CDKAL1: variants seen among roughly 807,000 people sequenced by gnomAD.
CDKAL1 encodes CDKAL1 threonylcarbamoyladenosine tRNA methylthiotransferase.
A neutral mutation model predicts 68.2 loss-of-function variants in CDKAL1; 32 were observed. That is an observed-to-expected ratio of 0.47 (90% CI 0.35 to 0.63). The LOEUF is 0.63. CDKAL1 is among the 30% of genes least tolerant of loss of function. The pLI is 0.00. For missense variants in CDKAL1, 606 were observed against 696.7 expected (o/e 0.87, Z 1.47); for synonymous variants, 234 against 244.3 (o/e 0.96, Z 0.39).
chr6:20,637,920 G>A (rs550506522), intron 4 of CDKAL1, among the ~76,000 whole-genome samples: 1 of 152,094 alleles, frequency 6.6e-6, no homozygotes, highest in Non-Finnish European at 1.5e-5. Flanking sequence ...ATATGACCTG[G>A]AGATCTTTCT....
At chr6:20,823,677 G>A (rs956300172) in intron 8 of CDKAL1, among the ~76,000 whole-genome samples, 13 of 152,220 alleles carry the variant, frequency 8.5e-5, no homozygotes, top group East Asian at 3.9e-4. Flanking sequence ...TATCAGAATC[G>A]TCTATTTCAG....
At chr6:20,917,061 A>C (rs1462787766) in intron 9 of CDKAL1, among the ~76,000 whole-genome samples, 2 of 152,122 alleles carry the variant, frequency 1.3e-5, no homozygotes, top group Non-Finnish European at 2.9e-5. Flanking sequence ...GCTCACTGCA[A>C]CCTTCACCTC....
chr6:20,640,574 G>GAAATTTTGAA (rs1288949399), intron 4 of CDKAL1, among the ~76,000 whole-genome samples: 1 of 152,198 alleles, frequency 6.6e-6, no homozygotes, highest in Admixed American at 6.5e-5. Flanking sequence ...CAAGATCTTA[G>GAAATTTTGAA]AAATTTTGAA....
chr6:21,050,694 T>C (rs2150910457), intron 11 of CDKAL1, among the ~76,000 whole-genome samples: 1 of 152,228 alleles, frequency 6.6e-6, no homozygotes, highest in Admixed American at 6.5e-5. Flanking sequence ...GGTAGGTATA[T>C]GTAGAATAGA....
chr6:20,821,433 TA>T, intron 8 of CDKAL1, among the ~76,000 whole-genome samples: 1 of 152,142 alleles, frequency 6.6e-6, no homozygotes. Flanking sequence ...TATTTAACTT[TA>T]CCACTCCCTT....
At chr6:20,921,016 A>T (rs184534302) in intron 9 of CDKAL1, among the ~76,000 whole-genome samples, 1,711 of 152,110 alleles carry the variant, frequency 0.011, 13 homozygotes, top group Non-Finnish European at 0.015. Context: ...TATATTAGAT[A>T]AAAAAAGCTT....
chr6:21,203,167 A>G (rs1035740048), intron 15 of CDKAL1, among the ~76,000 whole-genome samples: 1 of 146,382 alleles, frequency 6.8e-6, no homozygotes, highest in East Asian at 2.0e-4. Flanking sequence ...GTCCCACATC[A>G]GCTTCCTGAG....
chr6:21,001,356 C>A (rs2150820087), intron 11 of CDKAL1, among the ~76,000 whole-genome samples: 1 of 152,174 alleles, frequency 6.6e-6, no homozygotes, highest in East Asian at 1.9e-4. Flanking sequence ...AGTCATTTAT[C>A]CTAACTGCAT....
intron 4 of CDKAL1, among the ~76,000 whole-genome samples, chr6:20,591,499 A>G (rs887975236): frequency 2.0e-5 from 3 of 152,134 alleles, no homozygotes; most frequent in Non-Finnish European, 2.9e-5. Context: ...CTTACGTTTA[A>G]GTCTTTAATC....
At chr6:20,942,658 C>T (rs1435934195) in intron 9 of CDKAL1, among the ~76,000 whole-genome samples, 4 of 148,292 alleles carry the variant, frequency 2.7e-5, no homozygotes, top group Non-Finnish European at 4.5e-5. Context: ...TGAGCCACCA[C>T]GCCCAGCTGA....
intron 4 of CDKAL1, among the ~76,000 whole-genome samples, chr6:20,590,048 A>G (rs902940757): frequency 6.6e-6 from 1 of 152,204 alleles, no homozygotes; most frequent in African/African-American, 2.4e-5. Flanking sequence ...TAGTAAATGA[A>G]TTTAAATGAA....
At position 20,632,535 on chromosome 6, in the gene CDKAL1, T is replaced by G. The variant is rs17224527; in HGVS notation, c.287-16758T>G. 5.3e-5 allele frequency among the ~76,000 whole-genome samples: 8 copies of G among 152,166 alleles called. No homozygotes were observed. In the East Asian group the frequency reaches 1.6e-3, roughly 29 times the overall value. ...AGATCCCTTCCAAGAAATACCAGACTCTCTGTCAGAGCTTAACCCCAGCTT... is the reference window on the plus strand; with the variant it reads ...AGATCCCTTCCAAGAAATACCAGACGCTCTGTCAGAGCTTAACCCCAGCTT... On this transcript the variant is annotated intron_variant, in intron 4 of 15. Coordinates refer to ENST00000274695, the MANE Select transcript of CDKAL1 (RefSeq NM_017774.3).
chr6:20,582,608 C>A (rs1272879810), intron 4 of CDKAL1, among the ~76,000 whole-genome samples: 2 of 152,090 alleles, frequency 1.3e-5, no homozygotes, highest in East Asian at 1.9e-4. Context: ...TATTTTGAAT[C>A]TATTTACGTT....
At position 20,748,554 on chromosome 6, in the gene CDKAL1, G is replaced by GAAAAAAAAAAAAAAAAAA. The variant is rs1773762406; in HGVS notation, c.468+8939_468+8940insAAAAAAAAAAAAAAAAAA. On this transcript the variant is annotated intron_variant, in intron 6 of 15. Transcript: ENST00000274695. Reference sequence around the variant, plus strand: ...GGAAAGAGAGCAAGACTCTGTTTCTGGAAAAAAAAAAAAAAAAAAAAAAAA... The same window carrying GAAAAAAAAAAAAAAAAAA: ...GGAAAGAGAGCAAGACTCTGTTTCTGAAAAAAAAAAAAAAAAAAGAAAAAAAAAAAAAAAAAAAAAAAA... Among the ~76,000 whole-genome samples the GAAAAAAAAAAAAAAAAAA allele has an allele frequency of 1.7e-4, 13 of 77,106 alleles. 5 individuals carry two copies. The highest frequency in any genetic ancestry group is 3.8e-4 in the African/African-American group (8 of 20,998). 50.6% of individuals were successfully genotyped at this position (77,106 alleles called of 152,430 possible). A position where few individuals can be genotyped will look rare whatever the true frequency, so the allele number is the denominator to read the frequency against.
intron 10 of CDKAL1, among the ~76,000 whole-genome samples, chr6:20,990,479 C>T (rs1367496496): frequency 6.6e-6 from 1 of 152,168 alleles, no homozygotes. Flanking sequence ...TTTGTCTCAA[C>T]CTGTTTTAGC....
intron 8 of CDKAL1, among the ~76,000 whole-genome samples, chr6:20,804,453 A>T (rs1776484903): frequency 6.6e-6 from 1 of 152,350 alleles, no homozygotes; most frequent in South Asian, 2.1e-4. Flanking sequence ...ACAGCTTGTG[A>T]TCTAAAAATA....
intron 13 of CDKAL1, among the ~76,000 whole-genome samples, chr6:21,115,267 G>A (rs776951933): frequency 6.6e-6 from 1 of 152,204 alleles, no homozygotes; most frequent in Non-Finnish European, 1.5e-5. Context: ...GAGAGCCACG[G>A]TATTGTCAAG....
intron 12 of CDKAL1, among the ~76,000 whole-genome samples, chr6:21,095,610 C>G (rs907871753): frequency 1.3e-5 from 2 of 151,164 alleles, no homozygotes; most frequent in Non-Finnish European, 2.9e-5. Context: ...TACCTGTACC[C>G]CTCCTGCCGA....
chr6:20,892,034 T>A (rs998501468), intron 9 of CDKAL1, among the ~76,000 whole-genome samples: 2 of 152,232 alleles, frequency 1.3e-5, no homozygotes, highest in African/African-American at 4.8e-5. Flanking sequence ...TGCATATATA[T>A]CTGTATTAAA....
Sources: gnomAD v4.1 joint callset for allele counts (sites outside exome capture counted in the v4.1 genomes callset) on GRCh38, gnomAD v4.1.1 for gene constraint, MANE v1.5 for transcripts, NCBI Gene and HGNC (gene_info 2026-07-23, HGNC 2026-07-21) for gene names.